The following ATP8A2 variants were observed in gnomAD, a reference collection of about 807,000 sequenced individuals.
The protein encoded by ATP8A2 is ATPase phospholipid transporting 8A2.
In ATP8A2, 100 loss-of-function variants were observed where a neutral mutation model predicts 165.6. That is an observed-to-expected ratio of 0.60 (90% CI 0.51 to 0.71). ATP8A2 has a LOEUF of 0.71. Ranked by LOEUF, ATP8A2 falls within the 30% of genes least tolerant of loss-of-function variation. ATP8A2 has a pLI of 0.00. For missense variants in ATP8A2, 1,227 were observed against 1,479.5 expected, an observed-to-expected ratio of 0.83 and a Z score of 2.80; for synonymous variants, 543 against 548.8, an observed-to-expected ratio of 0.99 and a Z score of 0.15.
intron 35 of ATP8A2, among the ~76,000 whole-genome samples, chr13:26,008,385 A>G (rs1956784802): frequency 6.6e-6 from 1 of 152,178 alleles, no homozygotes; most frequent in Non-Finnish European, 1.5e-5. Flanking sequence ...CATATTAGAA[A>G]ATTTTAAAGT....
intron 24 of ATP8A2, among the ~76,000 whole-genome samples, chr13:25,679,142 G>A (rs1172377530): frequency 1.3e-5 from 2 of 152,192 alleles, no homozygotes; most frequent in African/African-American, 4.8e-5. Flanking sequence ...GTAAAAGATA[G>A]TAGGATTCTG....
intron 35 of ATP8A2, among the ~76,000 whole-genome samples, chr13:25,977,404 G>A (rs1481948097): frequency 6.6e-6 from 1 of 152,160 alleles, no homozygotes; most frequent in African/African-American, 2.4e-5. Context: ...TGCATTAGTG[G>A]AACAAAGGGA....
intron 2 of ATP8A2, among the ~76,000 whole-genome samples, chr13:25,499,511 C>T (rs990988472): frequency 5.9e-5 from 9 of 152,178 alleles, no homozygotes; most frequent in Non-Finnish European, 1.0e-4. Context: ...ACACCTTCTT[C>T]GAGAGCGTTT....
chr13:25,955,982 A>G (rs371077222), intron 33 of ATP8A2, among the ~76,000 whole-genome samples: 7 of 152,344 alleles, frequency 4.6e-5, no homozygotes, highest in African/African-American at 1.7e-4. Flanking sequence ...ACGCAAATCA[A>G]TGAACATAAT....
intron 27 of ATP8A2, among the ~76,000 whole-genome samples, chr13:25,801,657 T>A (rs1235333630): frequency 1.3e-5 from 2 of 152,256 alleles, no homozygotes; most frequent in East Asian, 3.9e-4. Context: ...GATAATGAAG[T>A]TGTTGGGTGT....
intron 35 of ATP8A2, among the ~76,000 whole-genome samples, chr13:25,978,055 A>T (rs1593660779): frequency 6.6e-6 from 1 of 152,176 alleles, no homozygotes; most frequent in Non-Finnish European, 1.5e-5. Flanking sequence ...TGATGAATTT[A>T]TTCTCAGTTC....
intron 24 of ATP8A2, among the ~76,000 whole-genome samples, chr13:25,618,320 T>C (rs1262973395): frequency 1.3e-5 from 2 of 152,050 alleles, no homozygotes; most frequent in Non-Finnish European, 2.9e-5. Flanking sequence ...CTGAGGAATA[T>C]GTAGGGCAGT....
At chr13:25,842,659 A>G (rs1294092777) in intron 30 of ATP8A2, among the ~76,000 whole-genome samples, 1 of 151,596 alleles carries the variant, frequency 6.6e-6, no homozygotes, top group Admixed American at 6.6e-5. Context: ...GCCAAAAAGC[A>G]AAACTCTGTC....
chr13:26,010,988 G>T (rs1348774050), intron 35 of ATP8A2, among the ~76,000 whole-genome samples: 4 of 152,130 alleles, frequency 2.6e-5, no homozygotes, highest in African/African-American at 9.7e-5. Context: ...TCTTTCGATG[G>T]CCCTGAGGGA....
At chr13:25,473,215 G>A (rs1014483010) in intron 2 of ATP8A2, among the ~76,000 whole-genome samples, 2 of 152,152 alleles carry the variant, frequency 1.3e-5, no homozygotes, top group Admixed American at 1.3e-4. Context: ...ACCAAACCTT[G>A]TTCTCATTCT....
intron 33 of ATP8A2, among the ~76,000 whole-genome samples, chr13:25,958,601 T>C (rs1955586792): frequency 6.6e-6 from 1 of 152,194 alleles, no homozygotes; most frequent in Non-Finnish European, 1.5e-5. Context: ...TTTACTGCAG[T>C]GAGTTCCTAG....
At chr13:25,920,458 C>T (rs970749625) in intron 33 of ATP8A2, among the ~76,000 whole-genome samples, 1 of 152,150 alleles carries the variant, frequency 6.6e-6, no homozygotes, top group African/African-American at 2.4e-5. Flanking sequence ...CTTTGTGTTC[C>T]CCTGCCCACT....
At chr13:25,915,505 G>A (rs1954245799) in intron 33 of ATP8A2, among the ~76,000 whole-genome samples, 1 of 152,224 alleles carries the variant, frequency 6.6e-6, no homozygotes. Context: ...TGGAGCCCTA[G>A]TGGGCCAGTC....
At chr13:25,510,527 G>T (rs2037191581) in intron 2 of ATP8A2, among the ~76,000 whole-genome samples, 1 of 152,218 alleles carries the variant, frequency 6.6e-6, no homozygotes, top group Non-Finnish European at 1.5e-5. Flanking sequence ...CTGAAAGCCA[G>T]CCTGCTCATC....
intron 33 of ATP8A2, among the ~76,000 whole-genome samples, chr13:25,914,607 G>A (rs981285683): frequency 4.6e-5 from 7 of 152,198 alleles, no homozygotes; most frequent in African/African-American, 1.4e-4. Context: ...CAATGCTGAT[G>A]TACTGGTGTG....
chr13:25,630,020 CTTA>C (rs1405140933), intron 24 of ATP8A2, among the ~76,000 whole-genome samples: 3 of 151,976 alleles, frequency 2.0e-5, no homozygotes, highest in Non-Finnish European at 2.9e-5. Flanking sequence ...GGAAGCAATT[CTTA>C]TTATTATATC....
intron 33 of ATP8A2, among the ~76,000 whole-genome samples, chr13:25,945,496 A>G (rs948554976): frequency 2.6e-5 from 4 of 152,224 alleles, no homozygotes; most frequent in African/African-American, 9.7e-5. Context: ...CATTCTTCAC[A>G]ATTTTCACTG....
intron 2 of ATP8A2, among the ~76,000 whole-genome samples, chr13:25,506,940 CATATATATAT>C (rs59774160): frequency 3.1e-5 from 4 of 128,712 alleles, no homozygotes; most frequent in South Asian, 5.0e-4. Flanking sequence ...CAGTACAGTA[CATATATATAT>C]ATATATATAT....
rs139713513 is a variant in ATP8A2, at chr13:25,845,261, G to A, written c.2956+5637G>A. On this transcript the variant is annotated intron_variant, in intron 30 of 36. Coordinates refer to ENST00000381655, the MANE Select transcript of ATP8A2 (RefSeq NM_016529.6). ...GGAGCCCTGGTGTCAGCCCACACCC[G>A]GGTTTCCTGTTGGCATGTCCAGTCG... 1.5e-3 allele frequency among the ~76,000 whole-genome samples: 224 copies of A among 152,274 alleles called. 1 individual carries two copies. In the Middle Eastern group the frequency reaches 0.024, roughly 16 times the overall value.
Sources: allele counts gnomAD v4.1 joint callset (sites outside exome capture counted in the v4.1 genomes callset), GRCh38; gene constraint gnomAD v4.1.1; transcripts MANE v1.5; gene names NCBI Gene and HGNC (gene_info 2026-07-23, HGNC 2026-07-21).